Variants in ACTR3B observed in about 807,000 individuals in gnomAD.
ACTR3B encodes actin-related protein 3B.
In ACTR3B, 8 loss-of-function variants were observed where a neutral mutation model predicts 59.0. The ratio of observed to expected loss-of-function variants is 0.14; its 90% CI spans 0.08 to 0.24. The LOEUF is 0.24. ACTR3B is among the 10% of genes least tolerant of loss of function. The pLI is 1.00. For missense variants in ACTR3B, 245 were observed against 552.3 expected (o/e 0.44, Z 5.58); for synonymous variants, 148 against 197.9 (o/e 0.75, Z 2.12).
At chr7:152,841,832 A>T (rs936941594) in intron 9 of ACTR3B, among the ~76,000 whole-genome samples, 1 of 152,062 alleles carries the variant, frequency 6.6e-6, no homozygotes, top group African/African-American at 2.4e-5. Context: ...TGCCCTCTCA[A>T]CTCAGAGTGG....
intron 2 of ACTR3B, among the ~76,000 whole-genome samples, chr7:152,789,997 CTTTTTTTTTTT>C (rs756068314): frequency 9.7e-6 from 1 of 102,842 alleles, no homozygotes; most frequent in African/African-American, 4.4e-5. Flanking sequence ...TGTACTCTTT[CTTTTTTTTTTT>C]TTTTTTTTTT....
intron 9 of ACTR3B, among the ~76,000 whole-genome samples, chr7:152,842,869 G>C (rs529948154): frequency 2.1e-4 from 32 of 152,302 alleles, no homozygotes; most frequent in African/African-American, 7.0e-4. Context: ...CACCAACAGT[G>C]TACAAGAGTT....
intron 1 of ACTR3B, among the ~76,000 whole-genome samples, chr7:152,766,967 A>G (rs1371339764): frequency 6.6e-6 from 1 of 151,960 alleles, no homozygotes; most frequent in African/African-American, 2.4e-5. Flanking sequence ...TTGTATTTTT[A>G]GTAGAGAAGG....
In ACTR3B at chr7:152,780,766, T is replaced by C. The variant is rs10429004; in HGVS notation, c.45-2421T>C. 1.9e-3 allele frequency among the ~76,000 whole-genome samples: 291 copies of C among 152,056 alleles called. 3 individuals are homozygous for C. Among genetic ancestry groups the C allele is most frequent in the African/African-American group, 6.8e-3 (284 of 41,462 alleles). On this transcript the variant is annotated intron_variant, in intron 1 of 11. Coordinates refer to ENST00000256001, the MANE Select transcript of ACTR3B (RefSeq NM_020445.6). The stretch of plus-strand genomic sequence containing the variant: ...ACTATACAAATTAAACTGTCCATGG[T>C]GCACAGTGGGAAGAATGAATGCTAT...
chr7:152,806,521 G>A lies in ACTR3B; in HGVS notation c.336+4790G>A, dbSNP rs191445203. Among the ~76,000 whole-genome samples the A allele has an allele frequency of 1.9e-3, 292 of 152,318 alleles. 1 individual carries two copies. Among genetic ancestry groups the A allele is most frequent in the African/African-American group, 6.6e-3 (274 of 41,576 alleles). On this transcript the variant is annotated intron_variant, in intron 4 of 11. Coordinates refer to ENST00000256001, the MANE Select transcript of ACTR3B (RefSeq NM_020445.6). ...AGTAGAGTCCAGTGCTGATATGGCAGCTCTCTGGTGTGGCTAACAATCTCT... is the reference window on the plus strand; with the variant it reads ...AGTAGAGTCCAGTGCTGATATGGCAACTCTCTGGTGTGGCTAACAATCTCT...
chr7:152,848,348 G>A (rs1055266400), intron 9 of ACTR3B, among the ~76,000 whole-genome samples: 1 of 152,204 alleles, frequency 6.6e-6, no homozygotes, highest in Non-Finnish European at 1.5e-5. Flanking sequence ...GGGCTGTTAG[G>A]AGACCAAGGC....
intron 9 of ACTR3B, among the ~76,000 whole-genome samples, chr7:152,844,489 A>C (rs1798115560): frequency 6.6e-6 from 1 of 152,138 alleles, no homozygotes; most frequent in Non-Finnish European, 1.5e-5. Flanking sequence ...GATTTAAAAA[A>C]ATCTAGGTTG....
chr7:152,801,521 C>G (rs1590300725), intron 3 of ACTR3B, 100 bp from the exon 4 acceptor site: 1 of 1,497,360 alleles, frequency 6.7e-7, no homozygotes, highest in Non-Finnish European at 9.0e-7. Flanking sequence ...AAGAAGGATA[C>G]CTTTATTCTT....
In ACTR3B at chr7:152,853,568, G is replaced by A; in HGVS notation, c.1152G>A (p.Leu384=). Residue 384 remains leucine (L), a synonymous_variant, in exon 11 of 12, where the codon CTG becomes CTA. Coordinates refer to ENST00000256001, the MANE Select transcript of ACTR3B (RefSeq NM_020445.6). ...CCGTGTGGTTCGGAGGCTCCATGCT[G>A]GCCTCGACTGTAAGTCCCTCTCTCG... The part of the protein sequence containing the change: ...RYAVWFGGSM[L]ASTPEFFQVC... 1 of 1,613,600 alleles carries A rather than the reference G, an allele frequency of 6.2e-7. No individual in the cohort carries two copies. Among genetic ancestry groups the A allele is most frequent in the Non-Finnish European group, 8.5e-7 (1 of 1,179,802 alleles).
intron 9 of ACTR3B, 60 bp from the exon 10 acceptor site, chr7:152,852,066 G>T (rs1235062803): frequency 1.9e-6 from 3 of 1,612,584 alleles, no homozygotes; most frequent in Non-Finnish European, 2.5e-6. Flanking sequence ...GTTGTGGGTG[G>T]TTCCCGGAAC....
intron 9 of ACTR3B, among the ~76,000 whole-genome samples, chr7:152,838,961 G>A (rs1262907343): frequency 6.6e-6 from 1 of 152,120 alleles, no homozygotes; most frequent in East Asian, 1.9e-4. Context: ...AGCATCCCCA[G>A]AACAGCAAGA....
In ACTR3B at chr7:152,820,749, T is replaced by G. The variant is rs1796080747; in HGVS notation, c.684+307T>G. Reference sequence around the variant, plus strand: ...GAGCCTCATCTACCAGAGGGCTCCTTCCATACTGCCTCCATGCTTCGCTGT... The same window carrying G: ...GAGCCTCATCTACCAGAGGGCTCCTGCCATACTGCCTCCATGCTTCGCTGT... On this transcript the variant is annotated intron_variant, in intron 7 of 11. Coordinates refer to ENST00000256001, the MANE Select transcript of ACTR3B (RefSeq NM_020445.6). Among the ~76,000 whole-genome samples the G allele has an allele frequency of 2.6e-5, 4 of 152,272 alleles. No homozygotes were observed. The South Asian group carries it at 8.3e-4, about 31-fold the overall frequency.
chr7:152,831,300 CAGTG>C (rs1297119295), intron 9 of ACTR3B, among the ~76,000 whole-genome samples: 1 of 152,228 alleles, frequency 6.6e-6, no homozygotes, highest in African/African-American at 2.4e-5. Context: ...CGAGTAATGT[CAGTG>C]AGCACCTGCA....
intron 1 of ACTR3B, among the ~76,000 whole-genome samples, chr7:152,765,066 ATTTATT>A (rs1413380320): frequency 1.6e-5 from 2 of 124,592 alleles, no homozygotes; most frequent in Non-Finnish European, 3.5e-5. Flanking sequence ...TATTTTACTT[ATTTATT>A]TTTATTTTTG....
chr7:152,822,205 A>G (rs1221741315), intron 7 of ACTR3B, among the ~76,000 whole-genome samples: 5 of 152,224 alleles, frequency 3.3e-5, no homozygotes, highest in Non-Finnish European at 5.9e-5. Flanking sequence ...AGAAGATGGC[A>G]TTAGAATATG....
At chr7:152,775,726 T>A (rs1237163024) in intron 1 of ACTR3B, among the ~76,000 whole-genome samples, 2 of 148,452 alleles carry the variant, frequency 1.3e-5, no homozygotes, top group Non-Finnish European at 3.0e-5. Flanking sequence ...GCCATTGCAC[T>A]CCAGCCCGGG....
chr7:152,826,573 G>C (rs946954367), intron 9 of ACTR3B, among the ~76,000 whole-genome samples: 12 of 152,354 alleles, frequency 7.9e-5, no homozygotes, highest in African/African-American at 2.9e-4. Context: ...AAGAAAGCTA[G>C]CGGGTCATGT....
intron 9 of ACTR3B, among the ~76,000 whole-genome samples, chr7:152,833,636 G>A (rs979004497): frequency 2.0e-5 from 3 of 152,128 alleles, no homozygotes; most frequent in Non-Finnish European, 4.4e-5. Flanking sequence ...TAGTATTACA[G>A]GAATGAAAAT....
At chr7:152,779,958 T>G (rs1191859356) in intron 1 of ACTR3B, among the ~76,000 whole-genome samples, 1 of 152,228 alleles carries the variant, frequency 6.6e-6, no homozygotes, top group African/African-American at 2.4e-5. Context: ...GATATTATAT[T>G]AGAATAAAGT....
Sources: allele counts gnomAD v4.1 joint callset (sites outside exome capture counted in the v4.1 genomes callset), GRCh38; gene constraint gnomAD v4.1.1; transcripts MANE v1.5; gene names NCBI Gene and HGNC (gene_info 2026-07-23, HGNC 2026-07-21).